Variants in RAB2A observed in about 807,000 individuals in gnomAD.
RAB2A encodes RAB2A, member RAS oncogene family.
RAB2A carries 7 observed loss-of-function variants against 32.5 expected under a neutral mutation model. That is an observed-to-expected ratio of 0.22 (90% CI 0.12 to 0.40). RAB2A has a LOEUF of 0.40. Ranked by LOEUF, RAB2A falls within the 10% of genes least tolerant of loss-of-function variation. RAB2A has a pLI of 1.00. For missense variants in RAB2A, 108 were observed against 260.7 expected (o/e 0.41, Z 4.03); for synonymous variants, 79 against 85.2 (o/e 0.93, Z 0.40).
intron 6 of RAB2A, among the ~76,000 whole-genome samples, chr8:60,617,472 A>G (rs1384759093): frequency 6.6e-6 from 1 of 152,174 alleles, no homozygotes; most frequent in Non-Finnish European, 1.5e-5. Context: ...CATAATTGAA[A>G]TGTGTTTTTC....
In RAB2A at chr8:60,517,111, TG is replaced by T; in HGVS notation, c.-95del. 7.8e-7 allele frequency: 1 copy of T among 1,287,478 alleles called. No individual in the cohort carries two copies. Among genetic ancestry groups the T allele is most frequent in the Non-Finnish European group, 1.0e-6 (1 of 977,638 alleles). The allele number at this position is 1,287,478 out of a possible 1,614,324, so 79.8% of individuals were successfully genotyped here. A position where few individuals can be genotyped will look rare whatever the true frequency, so the allele number is the denominator to read the frequency against. Reference sequence around the variant, plus strand: ...AGCAGCGGCGGCGGCGGGCGGCGCCTGGCGTTTCGAGGCTGAGCGGCACCGG... The same window carrying T: ...AGCAGCGGCGGCGGCGGGCGGCGCCTGCGTTTCGAGGCTGAGCGGCACCGG... On this transcript the variant is annotated 5_prime_UTR_variant, in exon 1 of 8. Transcript: ENST00000262646.
At chr8:60,519,309 A>T (rs1441785424) in intron 1 of RAB2A, among the ~76,000 whole-genome samples, 1 of 152,114 alleles carries the variant, frequency 6.6e-6, no homozygotes. Context: ...GCCCCTATCT[A>T]CATTTCTCGC....
intron 1 of RAB2A, among the ~76,000 whole-genome samples, chr8:60,554,534 T>TG (rs2130827834): frequency 6.6e-6 from 1 of 152,218 alleles, no homozygotes; most frequent in Admixed American, 6.5e-5. Context: ...TTCCGTAAGT[T>TG]TGAGTTTTGG....
chr8:60,542,494 G>A (rs1461968364), intron 1 of RAB2A, among the ~76,000 whole-genome samples: 5 of 146,998 alleles, frequency 3.4e-5, no homozygotes, highest in South Asian at 2.2e-4. Flanking sequence ...CCTGCCTGAC[G>A]ACAGAGTGAG....
intron 2 of RAB2A, among the ~76,000 whole-genome samples, chr8:60,559,942 G>A (rs568679740): frequency 3.9e-5 from 6 of 152,188 alleles, no homozygotes; most frequent in African/African-American, 1.2e-4. Context: ...TACAGGTATA[G>A]TACTTTGTGG....
chr8:60,537,004 GTTTA>G (rs1280910784), intron 1 of RAB2A, among the ~76,000 whole-genome samples: 1 of 152,072 alleles, frequency 6.6e-6, no homozygotes, highest in African/African-American at 2.4e-5. Flanking sequence ...ATTCTTCCCA[GTTTA>G]TTTATTTTAC....
chr8:60,601,599 A>G (rs1208525420), intron 6 of RAB2A, among the ~76,000 whole-genome samples: 1 of 152,172 alleles, frequency 6.6e-6, no homozygotes, highest in African/African-American at 2.4e-5. Flanking sequence ...TGGCCTCCCA[A>G]AGTGCTGGGA....
chr8:60,603,893 G>GAAAGA (rs745464967), intron 6 of RAB2A, among the ~76,000 whole-genome samples: 2 of 152,054 alleles, frequency 1.3e-5, no homozygotes, highest in Non-Finnish European at 2.9e-5. Flanking sequence ...GGGAGGAGAA[G>GAAAGA]AAAGAAAAGA....
chr8:60,595,525 A>T (rs1804007914), intron 6 of RAB2A, among the ~76,000 whole-genome samples: 2 of 152,246 alleles, frequency 1.3e-5, no homozygotes, highest in Admixed American at 1.3e-4. Flanking sequence ...ACAACAGTAC[A>T]GTTAGGTTGA....
intron 1 of RAB2A, among the ~76,000 whole-genome samples, chr8:60,554,758 C>T (rs1486397572): frequency 1.3e-5 from 2 of 151,976 alleles, no homozygotes; most frequent in African/African-American, 4.8e-5. Context: ...GAGGCTGAGG[C>T]AGGAGAATTG....
chr8:60,517,200 C>T lies in RAB2A; in HGVS notation c.-8C>T. 1 of 1,488,794 alleles carries T rather than the reference C, an allele frequency of 6.7e-7. No homozygotes were observed. Among genetic ancestry groups the T allele is most frequent in the Non-Finnish European group, 8.9e-7 (1 of 1,118,004 alleles). 92.2% of individuals were successfully genotyped at this position (1,488,794 alleles called of 1,614,324 possible). A position where few individuals can be genotyped will look rare whatever the true frequency, so the allele number is the denominator to read the frequency against. On this transcript the variant is annotated 5_prime_UTR_variant, in exon 1 of 8. Coordinates refer to ENST00000262646, the MANE Select transcript of RAB2A (RefSeq NM_002865.3). Reference sequence around the variant, plus strand: ...AGCCGTGTGCCCTGGCACTGAGCGGCCGCGGCCATGGCGTACGCCTATCTC... The same window carrying T: ...AGCCGTGTGCCCTGGCACTGAGCGGTCGCGGCCATGGCGTACGCCTATCTC...
chr8:60,603,183 C>T (rs1317102435), intron 6 of RAB2A, among the ~76,000 whole-genome samples: 1 of 152,054 alleles, frequency 6.6e-6, no homozygotes, highest in Non-Finnish European at 1.5e-5. Flanking sequence ...CACAGGGAAC[C>T]CTCTTAAAAG....
intron 1 of RAB2A, 110 bp downstream of exon 1, chr8:60,517,363 T>G: frequency 9.7e-7 from 1 of 1,033,834 alleles, no homozygotes. Flanking sequence ...GGCGCCTCCC[T>G]CCTGGCCGCG....
At chr8:60,523,108 A>G (rs1807325494) in intron 1 of RAB2A, among the ~76,000 whole-genome samples, 1 of 152,102 alleles carries the variant, frequency 6.6e-6, no homozygotes, top group African/African-American at 2.4e-5. Context: ...ACACAGTTTA[A>G]TAGTTTTAAA....
intron 7 of RAB2A, among the ~76,000 whole-genome samples, chr8:60,619,850 T>C (rs918160844): frequency 5.3e-5 from 8 of 152,212 alleles, no homozygotes; most frequent in African/African-American, 1.9e-4. Context: ...ACTCCTTGAC[T>C]CCTCAAGAAG....
At chr8:60,527,338 C>G (rs1433486333) in intron 1 of RAB2A, among the ~76,000 whole-genome samples, 1 of 152,146 alleles carries the variant, frequency 6.6e-6, no homozygotes, top group Non-Finnish European at 1.5e-5. Flanking sequence ...CAGACAATTT[C>G]AAGGGCTAAG....
intron 1 of RAB2A, among the ~76,000 whole-genome samples, chr8:60,518,532 T>G (rs1312705577): frequency 1.5e-5 from 2 of 135,974 alleles, no homozygotes; most frequent in African/African-American, 5.8e-5. Context: ...GGCAGGCGCC[T>G]GTAATCCCAG....
At chr8:60,591,708 C>T (rs926464789) in intron 5 of RAB2A, 150 bp from the exon 6 acceptor site, 3 of 527,682 alleles carry the variant, frequency 5.7e-6, no homozygotes, top group African/African-American at 1.9e-5. Flanking sequence ...AATACTAACC[C>T]TCATAATACC....
intron 2 of RAB2A, among the ~76,000 whole-genome samples, chr8:60,566,818 G>A (rs1808121425): frequency 6.6e-6 from 1 of 152,070 alleles, no homozygotes; most frequent in South Asian, 2.1e-4. Flanking sequence ...ATGTCTGTCT[G>A]TACCCATTGT....
Sources: allele counts gnomAD v4.1 joint callset (sites outside exome capture counted in the v4.1 genomes callset), GRCh38; gene constraint gnomAD v4.1.1; transcripts MANE v1.5; gene names NCBI Gene and HGNC (gene_info 2026-07-23, HGNC 2026-07-21).